The following SCAF1 variants were observed in gnomAD, a reference collection of about 807,000 sequenced individuals.
The protein encoded by SCAF1 is SR-related CTD associated factor 1.
Under a neutral mutation model 91.2 loss-of-function variants are expected in SCAF1, and 28 were observed. That is an observed-to-expected ratio of 0.31 (90% CI 0.23 to 0.42). The LOEUF (loss-of-function observed/expected upper bound fraction) is 0.42, where lower values mean the gene tolerates loss of function less well. Ranked by LOEUF, SCAF1 falls within the 10% of genes least tolerant of loss-of-function variation. The pLI, the probability that SCAF1 is intolerant of heterozygous loss-of-function variation, is 1.00. For missense variants in SCAF1, 1,893 were observed against 1,872.1 expected, an observed-to-expected ratio of 1.01 and a Z score of -0.21; for synonymous variants, 1,036 against 833.7, an observed-to-expected ratio of 1.24 and a Z score of -4.18.
Position 49,653,492 on chromosome 19 carries a change from G to A in SCAF1, c.3103G>A (p.Glu1035Lys). The A allele has an allele frequency of 6.4e-7, 1 of 1,561,870 alleles. No homozygotes were observed. The highest frequency in any genetic ancestry group is 8.6e-7 in the Non-Finnish European group (1 of 1,157,670). ...EEEEEEEEEEEEEEEQQPATT... is the reference protein window; with the variant it reads ...EEEEEEEEEEKEEEEQQPATT... ...GGAAGAAGAAGAGGAGGAGGAAGAG[G>A]AAGAGGAGGAGGAGCAGCAGCCTGC... Residue 1035 changes from glutamate (E) to lysine (K), a missense_variant, in exon 7 of 11, where the codon GAA becomes AAA. Coordinates refer to ENST00000360565, the MANE Select transcript of SCAF1 (RefSeq NM_021228.3).
Position 49,645,405 on chromosome 19 carries a change from G to T in SCAF1, c.160G>T (p.Asp54Tyr). Residue 54 changes from aspartate (D) to tyrosine (Y), a missense_variant, in exon 3 of 11, where the codon GAT (aspartate) becomes TAT (tyrosine). Around this residue, in one of 5 missense-constraint regions of SCAF1, gnomAD observed 270 missense variants for 292.5 expected, o/e 0.92. Transcript: ENST00000360565. The surrounding 1 kb of genome is among the most constrained non-coding windows in gnomAD (Gnocchi z 4.6). ...GSSLQGDLPNDKDGSRCHGLR... is the reference protein window; with the variant it reads ...GSSLQGDLPNYKDGSRCHGLR... Reference sequence around the variant, plus strand: ...CTCCCTGCAGGGGGACCTGCCCAATGATAAAGGTATGGCGGCTTCCGGTTC... The same window carrying T: ...CTCCCTGCAGGGGGACCTGCCCAATTATAAAGGTATGGCGGCTTCCGGTTC... The T allele has an allele frequency of 1.2e-6, 2 of 1,613,634 alleles. No homozygotes were observed. The highest frequency in any genetic ancestry group is 8.5e-7 in the Non-Finnish European group (1 of 1,179,788).
At position 49,642,241 on chromosome 19, in the gene SCAF1, G is replaced by A. The variant is rs536335646; in HGVS notation, c.-8G>A. 1 of 152,308 alleles carries A rather than the reference G, an allele frequency of 6.6e-6. No homozygotes were observed. Among genetic ancestry groups the A allele is most frequent in the Non-Finnish European group, 1.5e-5 (1 of 68,012 alleles). The allele number at this position is 152,308 out of a possible 1,614,324, so 9.4% of individuals were successfully genotyped here. A position where few individuals can be genotyped will look rare whatever the true frequency, so the allele number is the denominator to read the frequency against. On this transcript the variant is annotated splice_region_variant and 5_prime_UTR_variant, in exon 1 of 11. Coordinates refer to ENST00000360565, the MANE Select transcript of SCAF1 (RefSeq NM_021228.3). This position sits in a 1 kb window ranked among gnomAD's most constrained non-coding sequence, Gnocchi z 4.0. ...GGCCGGAGCCGCAGCCCGAGCGGCG[G>A]GGTAAGATGGCGGCGGCAGTCCGGG...
At chr19:49,649,582 G>A (rs767084167) in intron 6 of SCAF1, among the ~76,000 whole-genome samples, 1 of 152,090 alleles carries the variant, frequency 6.6e-6, no homozygotes, top group Non-Finnish European at 1.5e-5. Flanking sequence ...TGCAACCTCT[G>A]CCTCCTGGTT....
chr19:49,645,542 C>T lies in SCAF1; in HGVS notation c.166+131C>T. ...GCTGGCATGGGGAGCCAAAAATGGG[C>T]AGACACCCTGTAGCTGCCTTGGAAG... is the stretch of plus-strand genomic sequence containing the variant. On this transcript the variant is annotated intron_variant, in intron 3 of 10. Transcript: ENST00000360565. The surrounding 1 kb of genome is among the most constrained non-coding windows in gnomAD (Gnocchi z 4.6). 1.2e-6 allele frequency: 1 copy of T among 864,714 alleles called. No individual in the cohort carries two copies. The highest frequency in any genetic ancestry group is 1.7e-5 in the South Asian group (1 of 59,484). 53.6% of individuals were successfully genotyped at this position (864,714 alleles called of 1,614,324 possible).
Position 49,645,133 on chromosome 19 carries a change from T to C in SCAF1, c.107T>C (p.Leu36Pro). Residue 36 changes from leucine (L) to proline (P), a missense_variant and splice_region_variant, in exon 2 of 11, where the codon CTG becomes CCG. Leu to Pro is a moderately conservative substitution (Grantham distance 98). Transcript: ENST00000360565. The surrounding 1 kb of genome is among the most constrained non-coding windows in gnomAD (Gnocchi z 4.6). ...DPTLSPSAFILRAIQQAVGSS... is the reference protein window; with the variant it reads ...DPTLSPSAFIPRAIQQAVGSS... ...ACGCTTTCTCCTTCTGCCTTTATCC[T>C]GGTGAGGCTGCTGGGCTCCTGGCAC... 1 of 1,613,312 alleles carries C rather than the reference T, an allele frequency of 6.2e-7. No homozygotes were observed. Among genetic ancestry groups the C allele is most frequent in the East Asian group, 2.2e-5 (1 of 44,874 alleles).
Position 49,651,612 on chromosome 19 carries a change from C to T in SCAF1, c.1223C>T (p.Ser408Phe), listed in dbSNP as rs1894915751. 1 of 1,477,844 alleles carries T rather than the reference C, an allele frequency of 6.8e-7. No individual in the cohort carries two copies. The highest frequency in any genetic ancestry group is 1.5e-5 in the African/African-American group (1 of 68,772). The allele number at this position is 1,477,844 out of a possible 1,614,324, so 91.5% of individuals were successfully genotyped here. ...GAGGAGGAGCCCAGGCTGGCGCTGT[C>T]CCTCTTCCGCCCCGGCGGCCGGGCC... ...QPEEEPRLAL[S>F]LFRPGGRAAR... The change falls in exon 7 of 11, where the codon TCC becomes TTC. Residue 408 changes from serine (S) to phenylalanine (F), a missense_variant. Physicochemically the swap from Ser to Phe is radical, Grantham distance 155 (BLOSUM62 -2). Transcript: ENST00000360565.
At position 49,645,068 on chromosome 19, in the gene SCAF1, G is replaced by A. The variant is rs371475442; in HGVS notation, c.42G>A (p.Ser14=). The A allele has an allele frequency of 1.1e-5, 18 of 1,613,998 alleles. No individual in the cohort carries two copies. The South Asian group carries it at 1.2e-4, about 11-fold the overall frequency. The change falls in exon 2 of 11, where the codon TCG becomes TCA. Residue 14 remains serine, a synonymous_variant. Transcript: ENST00000360565. The surrounding 1 kb of genome is among the most constrained non-coding windows in gnomAD (Gnocchi z 4.6). ...AGTCTCGAGGGAAGACAGAGGAGTC[G>A]GGGGAGGATCGGGGCGATGGTCCGC... ...EDESRGKTEE[S]GEDRGDGPPD... is the part of the protein sequence containing the mutation.
In SCAF1 at chr19:49,651,380, C is replaced by G. The variant is rs1332633735; in HGVS notation, c.991C>G (p.Pro331Ala). 6.2e-7 allele frequency: 1 copy of G among 1,607,946 alleles called. No individual in the cohort carries two copies. Among genetic ancestry groups the G allele is most frequent in the Non-Finnish European group, 8.5e-7 (1 of 1,179,406 alleles). ...RPDAQPTQPT[P>A]APGTPPQVDS... Reference sequence around the variant, plus strand: ...GGACGCGCAGCCCACACAGCCGACTCCCGCCCCTGGAACGCCGCCCCAGGT... The same window carrying G: ...GGACGCGCAGCCCACACAGCCGACTGCCGCCCCTGGAACGCCGCCCCAGGT... The change falls in exon 7 of 11, where the codon CCC becomes GCC. Residue 331 changes from proline (P) to alanine (A), a missense_variant. Pro to Ala is a conservative substitution (Grantham distance 27). Transcript: ENST00000360565.
chr19:49,647,420 G>A (rs2081062066), intron 6 of SCAF1, among the ~76,000 whole-genome samples: 2 of 152,206 alleles, frequency 1.3e-5, no homozygotes, highest in African/African-American at 4.8e-5. Context: ...TGCAGGTCTG[G>A]GGTGGGACCT....
intron 6 of SCAF1, among the ~76,000 whole-genome samples, chr19:49,648,042 GT>G: frequency 6.6e-6 from 1 of 150,954 alleles, no homozygotes; most frequent in East Asian, 2.0e-4. Flanking sequence ...AAGTTATCCT[GT>G]TGTCTCAGTC....
rs922914161 is a variant in SCAF1, at chr19:49,642,312, G to C, written c.-7+70G>C. On this transcript the variant is annotated intron_variant, in intron 1 of 10. Transcript: ENST00000360565. The surrounding 1 kb of genome is among the most constrained non-coding windows in gnomAD (Gnocchi z 4.0). ...GGGGTGGGCGGGGCGGAGTTGGGTCGCTAGTTGTCCCGGGGTCCTCCCCAC... is the reference window on the plus strand; with the variant it reads ...GGGGTGGGCGGGGCGGAGTTGGGTCCCTAGTTGTCCCGGGGTCCTCCCCAC... 7 of 152,142 alleles carry C rather than the reference G, an allele frequency of 4.6e-5. No homozygotes were observed. The highest frequency in any genetic ancestry group is 4.6e-4 in the Admixed American group (7 of 15,288). 9.4% of individuals were successfully genotyped at this position (152,142 alleles called of 1,614,324 possible). A position where few individuals can be genotyped will look rare whatever the true frequency, so the allele number is the denominator to read the frequency against.
rs2081052609 is a variant in SCAF1 at position 49,646,027 on chromosome 19, A to G, written c.167-81A>G. 1.5e-6 allele frequency: 2 copies of G among 1,316,616 alleles called. No homozygotes were observed. Among genetic ancestry groups the G allele is most frequent in the Admixed American group, 1.8e-5 (1 of 56,408 alleles). The allele number at this position is 1,316,616 out of a possible 1,614,324, so 81.6% of individuals were successfully genotyped here. On this transcript the variant is annotated intron_variant, in intron 3 of 10. Coordinates refer to ENST00000360565, the MANE Select transcript of SCAF1 (RefSeq NM_021228.3). This position sits in a 1 kb window ranked among gnomAD's most constrained non-coding sequence, Gnocchi z 5.6. ...GGCTGGTTCCGCTGTCAGGAACTAGATCAAGCTCCTCTTTCCTCTACCCCG... is the reference window on the plus strand; with the variant it reads ...GGCTGGTTCCGCTGTCAGGAACTAGGTCAAGCTCCTCTTTCCTCTACCCCG...
chr19:49,646,946 C>A lies in SCAF1; in HGVS notation c.478+116C>A. On this transcript the variant is annotated intron_variant, in intron 6 of 10. Transcript: ENST00000360565. The surrounding 1 kb of genome is among the most constrained non-coding windows in gnomAD (Gnocchi z 5.6). ...TATTTAGACAAAACCTTTCCCTTCTCTTCGTATTAGACGTGATTAAGGCTG... is the reference window on the plus strand; with the variant it reads ...TATTTAGACAAAACCTTTCCCTTCTATTCGTATTAGACGTGATTAAGGCTG... 1.3e-6 allele frequency: 1 copy of A among 743,028 alleles called. No individual in the cohort carries two copies. 46.0% of individuals were successfully genotyped at this position (743,028 alleles called of 1,614,324 possible).
rs770939194 is a variant in SCAF1 at position 49,654,760 on chromosome 19, C to G, written c.3508C>G (p.Leu1170Val). 1 of 1,613,652 alleles carries G rather than the reference C, an allele frequency of 6.2e-7. No homozygotes were observed. ...GPSSYLLPGSLPLGGCGSTPP... is the reference protein window; with the variant it reads ...GPSSYLLPGSVPLGGCGSTPP... ...CTCCAGCTACCTGCTTCCTGGCAGC[C>G]TCCCTCTGGGGGGCTGCGGTTCGAC... is the stretch of plus-strand genomic sequence containing the variant. Residue 1170 changes from leucine (L) to valine (V), a missense_variant, in exon 9 of 11, where the codon CTC (leucine) becomes GTC (valine). By Grantham distance (32) the Leu-to-Val change is conservative. Around this residue, in one of 5 missense-constraint regions of SCAF1, gnomAD observed 1,436 missense variants for 1,306.8 expected, o/e 1.10. Transcript: ENST00000360565.
chr19:49,646,585 G>A lies in SCAF1; in HGVS notation c.321G>A (p.Pro107=), dbSNP rs376348784. ...LAGLVSVLDP[P]DTWVPSRLDL... The stretch of plus-strand genomic sequence containing the variant: ...GGCTGGTGAGTGTCCTGGATCCCCC[G>A]GATACCTGGGTTCCCAGCCGCCTGG... The change falls in exon 5 of 11, where the codon CCG becomes CCA. Residue 107 remains proline (P), a synonymous_variant. Coordinates refer to ENST00000360565, the MANE Select transcript of SCAF1 (RefSeq NM_021228.3). This position sits in a 1 kb window ranked among gnomAD's most constrained non-coding sequence, Gnocchi z 5.6. 5.1e-5 allele frequency: 82 copies of A among 1,613,994 alleles called. No individual in the cohort carries two copies. Among genetic ancestry groups the A allele is most frequent in the Middle Eastern group, 3.3e-4 (2 of 6,084 alleles).
Position 49,646,084 on chromosome 19 carries a change from T to A in SCAF1, c.167-24T>A. 1 of 1,603,138 alleles carries A rather than the reference T, an allele frequency of 6.2e-7. No homozygotes were observed. The highest frequency in any genetic ancestry group is 8.5e-7 in the Non-Finnish European group (1 of 1,172,502). ...TCTGCAGCAAGTCCCCTGTGTCCAATCCCCCATGCAAATCTCTCACCAGAT... is the reference window on the plus strand; with the variant it reads ...TCTGCAGCAAGTCCCCTGTGTCCAAACCCCCATGCAAATCTCTCACCAGAT... On this transcript the variant is annotated intron_variant, in intron 3 of 10. Transcript: ENST00000360565. This position sits in a 1 kb window ranked among gnomAD's most constrained non-coding sequence, Gnocchi z 5.6.
rs1238204767 is a variant in SCAF1, at chr19:49,646,042, C to T, written c.167-66C>T. ...CAGGAACTAGATCAAGCTCCTCTTT[C>T]CTCTACCCCGCAAGTCTCTGCAGCA... On this transcript the variant is annotated intron_variant, in intron 3 of 10. Transcript: ENST00000360565. This position sits in a 1 kb window ranked among gnomAD's most constrained non-coding sequence, Gnocchi z 5.6. 13 of 1,448,340 alleles carry T rather than the reference C, an allele frequency of 9.0e-6. No individual in the cohort carries two copies. The highest frequency in any genetic ancestry group is 1.3e-5 in the Non-Finnish European group (13 of 1,035,262). 89.7% of individuals were successfully genotyped at this position (1,448,340 alleles called of 1,614,324 possible).
In SCAF1 at chr19:49,649,361, T is replaced by G. The variant is rs139355977; in HGVS notation, c.479-1507T>G. ...CAGACTGTCCTCACCCAGCAGCAGG[T>G]GCAGCCTGGCTCTTTCTGCGCACTC... On this transcript the variant is annotated intron_variant, in intron 6 of 10. Transcript: ENST00000360565. 3.5e-3 allele frequency among the ~76,000 whole-genome samples: 539 copies of G among 152,298 alleles called. 3 individuals are homozygous for G. The highest frequency in any genetic ancestry group is 0.017 in the Middle Eastern group (5 of 294).
upstream of SCAF1, among the ~76,000 whole-genome samples, chr19:49,640,700 C>T (rs528317057): frequency 1.3e-4 from 20 of 152,330 alleles, no homozygotes; most frequent in African/African-American, 4.1e-4. Flanking sequence ...CTTCCGGTTC[C>T]CGCTGTCCCA....
Sources: allele counts gnomAD v4.1 joint callset (sites outside exome capture counted in the v4.1 genomes callset), GRCh38; gene constraint gnomAD v4.1.1; regional missense constraint gnomAD v4.1.1; non-coding constraint Gnocchi (gnomAD v3.1); transcripts MANE v1.5; gene names NCBI Gene and HGNC (gene_info 2026-07-23, HGNC 2026-07-21).